TBL2: variants seen among roughly 807,000 people sequenced by gnomAD.
TBL2 encodes transducin beta like 2.
TBL2 carries 33 observed loss-of-function variants against 41.8 expected under a neutral mutation model. The ratio of observed to expected loss-of-function variants is 0.79; its 90% confidence interval spans 0.60 to 1.06. The LOEUF is 1.06. TBL2 is among the 50% of genes least tolerant of loss of function. TBL2 has a pLI of 0.00. For synonymous variants in TBL2, 239 were observed against 241.7 expected (o/e 0.99, Z 0.10); for missense variants, 522 against 603.8 (o/e 0.86, Z 1.42).
rs782187345 is a variant in TBL2, at chr7:73,569,959, A to T, written c.*548T>A. 4 of 152,522 alleles carry T rather than the reference A, an allele frequency of 2.6e-5. No individual in the cohort carries two copies. The highest frequency in any genetic ancestry group is 4.4e-5 in the Non-Finnish European group (3 of 68,296). 9.4% of individuals were successfully genotyped at this position (152,522 alleles called of 1,614,324 possible). On this transcript the variant is annotated 3_prime_UTR_variant, in exon 7 of 7. Coordinates refer to ENST00000305632, the MANE Select transcript of TBL2 (RefSeq NM_012453.4). ...AGACCTGGGGACTTGATATTCTCTT[A>T]GCCTCATATCATCTTTGCAAGGAGT...
rs1554586419 is a variant in TBL2, at chr7:73,567,596, TATA to T, written c.*2908_*2910del. Reference sequence around the variant, plus strand: ...ATTTCACACCCACAGATGTTGAAATTATAATATTAAGATACAATTACTGCCTTC... The same window carrying T: ...ATTTCACACCCACAGATGTTGAAATTATATTAAGATACAATTACTGCCTTC... On this transcript the variant is annotated 3_prime_UTR_variant, in exon 7 of 7. Transcript: ENST00000305632. Among the ~76,000 whole-genome samples the T allele has an allele frequency of 1.3e-5, 2 of 152,132 alleles. No homozygotes were observed. Among genetic ancestry groups the T allele is most frequent in the African/African-American group, 4.8e-5 (2 of 41,412 alleles).
At position 73,571,244 on chromosome 7, in the gene TBL2, G is replaced by A; in HGVS notation, c.823C>T (p.Leu275=). 2 of 1,614,214 alleles carry A rather than the reference G, an allele frequency of 1.2e-6. No individual in the cohort carries two copies. Among genetic ancestry groups the A allele is most frequent in the East Asian group, 2.2e-5 (1 of 44,884 alleles). The change falls in exon 6 of 7, where the codon CTA becomes TTA. Residue 275 remains leucine (L), a synonymous_variant. Transcript: ENST00000305632. ...EFQEVVRAFE[L]KGHSAAVHSF... is the part of the protein sequence containing the mutation. ...TGCACAGCCGCGGAGTGGCCCTTTAGTTCGAAGGCTCGCACCACCTCCTGG... is the reference window on the plus strand; with the variant it reads ...TGCACAGCCGCGGAGTGGCCCTTTAATTCGAAGGCTCGCACCACCTCCTGG...
Position 73,577,528 on chromosome 7 carries a change from T to G in TBL2, c.130+892A>C, listed in dbSNP as rs550945150. ...GGCGGAAGTTGCAACGAGCCAAGAT[T>G]GTGCCACTGCACTCCAGCCTGGGCA... On this transcript the variant is annotated intron_variant, in intron 1 of 6. Coordinates refer to ENST00000305632, the MANE Select transcript of TBL2 (RefSeq NM_012453.4). Among the ~76,000 whole-genome samples the G allele has an allele frequency of 2.0e-3, 298 of 152,290 alleles. 1 individual carries two copies. The highest frequency in any genetic ancestry group is 3.7e-3 in the Non-Finnish European group (252 of 68,012).
intron 1 of TBL2, chr7:73,576,409 T>C (rs1289770979): frequency 6.1e-6 from 2 of 326,426 alleles, no homozygotes; most frequent in Non-Finnish European, 1.2e-5. Flanking sequence ...CTACTAAAAA[T>C]ACAAAAATTA....
At position 73,571,902 on chromosome 7, in the gene TBL2, A is replaced by G. The variant is rs545720405; in HGVS notation, c.726-561T>C. 21 of 158,150 alleles carry G rather than the reference A, an allele frequency of 1.3e-4. No individual in the cohort carries two copies. In the South Asian group the frequency reaches 3.6e-3, roughly 27 times the overall value. The allele number at this position is 158,150 out of a possible 1,614,324, so 9.8% of individuals were successfully genotyped here. A position where few individuals can be genotyped will look rare whatever the true frequency, so the allele number is the denominator to read the frequency against. ...CATGGAGAAACCTCACCTCTACTAA[A>G]AATAAAAAATTAGCTGGGCATGGTG... is the stretch of plus-strand genomic sequence containing the variant. On this transcript the variant is annotated intron_variant, in intron 5 of 6. Transcript: ENST00000305632.
intron 2 of TBL2, 44 bp downstream of exon 2, chr7:73,574,339 G>C (rs201541394): frequency 6.2e-7 from 1 of 1,610,326 alleles, no homozygotes. Flanking sequence ...AAAGCCTGTG[G>C]GGCTGAGTCT....
chr7:73,573,550 G>A, intron 3 of TBL2, 79 bp from the exon 4 acceptor site: 3 of 1,571,674 alleles, frequency 1.9e-6, no homozygotes, highest in Non-Finnish European at 2.6e-6. Context: ...TGGGTTCTCG[G>A]GGAAGTCAAG....
chr7:73,576,766 C>A (rs902582742), intron 1 of TBL2: 8 of 455,038 alleles, frequency 1.8e-5, no homozygotes, highest in Admixed American at 1.2e-4. Context: ...CTAACAAGCC[C>A]CCCTCCTCAC....
intron 2 of TBL2, 27 bp from the exon 3 acceptor site, chr7:73,574,149 A>G: frequency 5.0e-6 from 8 of 1,610,570 alleles, no homozygotes; most frequent in Non-Finnish European, 6.8e-6. Flanking sequence ...AGGAAGTGTC[A>G]ATAGGAGCTC....
Position 73,567,555 on chromosome 7 carries a change from AT to A in TBL2, c.*2951del, listed in dbSNP as rs1205467123. Among the ~76,000 whole-genome samples the A allele has an allele frequency of 7.8e-4, 117 of 150,936 alleles. No homozygotes were observed. Among genetic ancestry groups the A allele is most frequent in the Middle Eastern group, 6.8e-3 (2 of 292 alleles). On this transcript the variant is annotated 3_prime_UTR_variant, in exon 7 of 7. Coordinates refer to ENST00000305632, the MANE Select transcript of TBL2 (RefSeq NM_012453.4). ...ACCGCCATTTAAAATATTTCCCCAA[AT>A]TTTTTTTTTGAAAAATTTCACACCC...
At position 73,568,253 on chromosome 7, in the gene TBL2, G is replaced by C. The variant is rs1792724023; in HGVS notation, c.*2254C>G. Among the ~76,000 whole-genome samples, 2 of 152,174 alleles carry C rather than the reference G, an allele frequency of 1.3e-5. No homozygotes were observed. ...CAGAGCTGACAGTGGGATGGTCCAG[G>C]AGTCTGCCCGGTGGTGCTCTCATTC... On this transcript the variant is annotated 3_prime_UTR_variant, in exon 7 of 7. Coordinates refer to ENST00000305632, the MANE Select transcript of TBL2 (RefSeq NM_012453.4).
intron 2 of TBL2, 67 bp from the exon 3 acceptor site, chr7:73,574,189 G>T: frequency 6.3e-7 from 1 of 1,584,306 alleles, no homozygotes; most frequent in Non-Finnish European, 8.6e-7. Flanking sequence ...CAAACCTGGA[G>T]CCGGGGAGAT....
chr7:73,571,444 T>C, intron 5 of TBL2, 103 bp from the exon 6 acceptor site: 1 of 1,500,872 alleles, frequency 6.7e-7, no homozygotes, highest in African/African-American at 1.4e-5. Flanking sequence ...TCCTCATATC[T>C]GGATAATATA....
rs148919234 is a variant in TBL2, at chr7:73,574,448, G to A, written c.196C>T (p.Arg66Trp). ...TGTTGAGGCTTCTCCTTCCGAATCC[G>A]CTGATATTGTTTCTGCTTCTTGGAT... ...SGSKKQKQYQRIRKEKPQQHN... is the reference protein window; with the variant it reads ...SGSKKQKQYQWIRKEKPQQHN... The change falls in exon 2 of 7, where the codon CGG becomes TGG. Residue 66 changes from arginine to tryptophan, a missense_variant. Transcript: ENST00000305632. 5.8e-5 allele frequency: 93 copies of A among 1,614,106 alleles called. No homozygotes were observed. Among genetic ancestry groups the A allele is most frequent in the Non-Finnish European group, 6.5e-5 (77 of 1,180,056 alleles).
In TBL2 at chr7:73,567,825, A is replaced by G. The variant is rs1554586454; in HGVS notation, c.*2682T>C. 6.6e-6 allele frequency among the ~76,000 whole-genome samples: 1 copy of G among 152,086 alleles called. No homozygotes were observed. The highest frequency in any genetic ancestry group is 1.5e-5 in the Non-Finnish European group (1 of 68,018). On this transcript the variant is annotated 3_prime_UTR_variant, in exon 7 of 7. Transcript: ENST00000305632. The stretch of plus-strand genomic sequence containing the variant: ...TGGCAAGGTGGGTAGCACAGGATTC[A>G]TTCTTATTTTGCAGCTGAGGAAACA...
Position 73,573,369 on chromosome 7 carries a change from G to C in TBL2, c.549C>G (p.Phe183Leu). 6.2e-7 allele frequency: 1 copy of C among 1,614,182 alleles called. No individual in the cohort carries two copies. ...TGACAGGCGCCTTGTGCTTTTTAGGGAAGTCCTCTGGGGTGGCTGTGAAGG... is the reference window on the plus strand; with the variant it reads ...TGACAGGCGCCTTGTGCTTTTTAGGCAAGTCCTCTGGGGTGGCTGTGAAGG... Reference protein sequence around the residue: ...GYTFTATPEDFPKKHKAPVID... With the variant: ...GYTFTATPEDLPKKHKAPVID... The change falls in exon 4 of 7, where the codon TTC becomes TTG. Residue 183 changes from phenylalanine to leucine, a missense_variant. Transcript: ENST00000305632.
rs1339903442 is a variant in TBL2 at position 73,570,479 on chromosome 7, C to T, written c.*28G>A. 4 of 1,475,474 alleles carry T rather than the reference C, an allele frequency of 2.7e-6. No individual in the cohort carries two copies. The South Asian group carries it at 5.6e-5, about 21-fold the overall frequency. 91.4% of individuals were successfully genotyped at this position (1,475,474 alleles called of 1,614,324 possible). A position where few individuals can be genotyped will look rare whatever the true frequency, so the allele number is the denominator to read the frequency against. On this transcript the variant is annotated 3_prime_UTR_variant, in exon 7 of 7. Coordinates refer to ENST00000305632, the MANE Select transcript of TBL2 (RefSeq NM_012453.4). ...ATGAGGAGGCCAGATCCCTCCTCCT[C>T]AATCCTCTGCGCCGGGCCCTCCCAG...
chr7:73,577,514 C>A (rs1793412937), intron 1 of TBL2, among the ~76,000 whole-genome samples: 1 of 152,158 alleles, frequency 6.6e-6, no homozygotes, highest in Admixed American at 6.5e-5. Context: ...GCGGAAGTTG[C>A]AACGAGCCAA....
Position 73,574,624 on chromosome 7 carries a change from C to T in TBL2, c.131-111G>A, listed in dbSNP as rs1793180429. 2.7e-6 allele frequency: 4 copies of T among 1,483,566 alleles called. No individual in the cohort carries two copies. The Admixed American group carries it at 5.4e-5, about 20-fold the overall frequency. The allele number at this position is 1,483,566 out of a possible 1,614,324, so 91.9% of individuals were successfully genotyped here. A position where few individuals can be genotyped will look rare whatever the true frequency, so the allele number is the denominator to read the frequency against. ...CAGCAGGAGATTAACCAGATATGGC[C>T]CTTGTCTTCTGGAGGAGAATGAGTG... On this transcript the variant is annotated intron_variant, in intron 1 of 6. Transcript: ENST00000305632.
Sources: allele counts gnomAD v4.1 joint callset (sites outside exome capture counted in the v4.1 genomes callset), GRCh38; gene constraint gnomAD v4.1.1; transcripts MANE v1.5; gene names NCBI Gene and HGNC (gene_info 2026-07-23, HGNC 2026-07-21).